The following HPSE2 variants were observed in gnomAD, a reference collection of about 807,000 sequenced individuals.
HPSE2 encodes the protein heparanase 2 (inactive), also known as inactive heparanase-2.
A neutral mutation model predicts 60.5 loss-of-function variants in HPSE2; 38 were observed. The ratio of observed to expected loss-of-function variants is 0.63; its 90% CI spans 0.48 to 0.82. HPSE2 has a LOEUF of 0.82. HPSE2 is among the 40% of genes least tolerant of loss of function. HPSE2 has a pLI of 0.00. For synonymous variants in HPSE2, 295 were observed against 293.2 expected, an observed-to-expected ratio of 1.01 and a Z score of -0.06; for missense variants, 713 against 740.4, an observed-to-expected ratio of 0.96 and a Z score of 0.43.
upstream of HPSE2, among the ~76,000 whole-genome samples, chr10:99,236,737 C>T (rs1849867000): frequency 1.3e-5 from 2 of 152,184 alleles, no homozygotes; most frequent in Non-Finnish European, 1.5e-5. Flanking sequence ...CTTCCCGCAA[C>T]CGAGGAATAA....
intron 2 of HPSE2, among the ~76,000 whole-genome samples, chr10:99,154,070 T>C (rs1357517886): frequency 1.3e-5 from 2 of 150,558 alleles, no homozygotes; most frequent in Admixed American, 6.6e-5. Context: ...TAAAAAGAAA[T>C]GAGCAAAGCC....
rs1162900511 is a variant in HPSE2 at position 98,989,741 on chromosome 10, C to A, written c.610+154497G>T. ...GAAGCAGTTTTGAATATTTCATGGC[C>A]TTTTTTGGATAGCTGATTGCCACAC... On this transcript the variant is annotated intron_variant, in intron 3 of 11. Coordinates refer to ENST00000370552, the MANE Select transcript of HPSE2 (RefSeq NM_021828.5). Among the ~76,000 whole-genome samples the A allele has an allele frequency of 2.0e-5, 3 of 152,010 alleles. No homozygotes were observed. The East Asian group carries it at 5.8e-4, about 29-fold the overall frequency.
intron 3 of HPSE2, among the ~76,000 whole-genome samples, chr10:99,060,658 CAAAAAAAAAAAAAA>C (rs35034456): frequency 1.0e-4 from 5 of 47,774 alleles, no homozygotes; most frequent in Non-Finnish European, 1.4e-4. Flanking sequence ...AACTCTGTCT[CAAAAAAAAAAAAAA>C]AAAAAAAAAA....
intron 3 of HPSE2, among the ~76,000 whole-genome samples, chr10:99,130,570 G>A (rs112675568): frequency 8.3e-4 from 126 of 152,238 alleles, no homozygotes; most frequent in Non-Finnish European, 1.6e-3. Flanking sequence ...GACGGCTAAC[G>A]CTCAAAATTC....
intron 3 of HPSE2, among the ~76,000 whole-genome samples, chr10:99,118,787 T>G (rs1844817829): frequency 6.6e-6 from 1 of 151,860 alleles, no homozygotes; most frequent in Non-Finnish European, 1.5e-5. Context: ...GAGGCTGAGG[T>G]GGTCAGACCA....
At chr10:98,625,825 G>A (rs1946192231) in intron 7 of HPSE2, among the ~76,000 whole-genome samples, 2 of 152,034 alleles carry the variant, frequency 1.3e-5, no homozygotes, top group Admixed American at 6.6e-5. Flanking sequence ...TGAATAGGCC[G>A]GGCGTGGTGG....
chr10:99,061,602 A>G (rs1203239449), intron 3 of HPSE2, among the ~76,000 whole-genome samples: 3 of 152,234 alleles, frequency 2.0e-5, no homozygotes, highest in African/African-American at 7.2e-5. Flanking sequence ...TAAAAACTCA[A>G]TAAATGTTAG....
Position 98,870,421 on chromosome 10 carries a change from A to AGGGAAAG in HPSE2, c.611-126366_611-126365insCTTTCCC, listed in dbSNP as rs1376983368. Reference sequence around the variant, plus strand: ...AGCAGGGTAAAGTAATGGGACAAGTACAGGGAAAGCAGGTAAAAATGTTGC... The same window carrying AGGGAAAG: ...AGCAGGGTAAAGTAATGGGACAAGTAGGGAAAGCAGGGAAAGCAGGTAAAAATGTTGC... On this transcript the variant is annotated intron_variant, in intron 3 of 11. Transcript: ENST00000370552. 2.0e-5 allele frequency among the ~76,000 whole-genome samples: 3 copies of AGGGAAAG among 152,166 alleles called. No individual in the cohort carries two copies. In the East Asian group the frequency reaches 5.8e-4, roughly 29 times the overall value.
chr10:98,500,371 A>G (rs767210888), intron 9 of HPSE2, among the ~76,000 whole-genome samples: 2 of 152,208 alleles, frequency 1.3e-5, no homozygotes, highest in Non-Finnish European at 2.9e-5. Context: ...TCCAAAAGGA[A>G]TCTTCAAAAC....
intron 3 of HPSE2, among the ~76,000 whole-genome samples, chr10:98,808,090 G>A (rs1951083653): frequency 6.6e-6 from 1 of 152,038 alleles, no homozygotes; most frequent in Non-Finnish European, 1.5e-5. Context: ...AAGCTCCTAT[G>A]GGTGACTTAC....
intron 4 of HPSE2, among the ~76,000 whole-genome samples, chr10:98,725,489 C>T (rs2134264598): frequency 6.6e-6 from 1 of 152,236 alleles, no homozygotes; most frequent in African/African-American, 2.4e-5. Context: ...AAAATTAATT[C>T]AAGATGGATT....
chr10:98,993,402 T>C (rs1374134475), intron 3 of HPSE2, among the ~76,000 whole-genome samples: 1 of 152,228 alleles, frequency 6.6e-6, no homozygotes, highest in Non-Finnish European at 1.5e-5. Flanking sequence ...CTCTTGGACA[T>C]CAACTTCAAA....
At chr10:98,942,461 C>G (rs1419542697) in intron 3 of HPSE2, among the ~76,000 whole-genome samples, 6 of 150,530 alleles carry the variant, frequency 4.0e-5, no homozygotes, top group Non-Finnish European at 8.8e-5. Flanking sequence ...ATTTATGCAG[C>G]CAAAAAACAC....
chr10:99,229,166 C>A (rs1313785775), intron 2 of HPSE2, among the ~76,000 whole-genome samples: 2 of 149,768 alleles, frequency 1.3e-5, no homozygotes, highest in Non-Finnish European at 3.0e-5. Context: ...AGAGGAGACT[C>A]CATATCGAAA....
intron 3 of HPSE2, among the ~76,000 whole-genome samples, chr10:99,061,382 A>G (rs1052972073): frequency 6.6e-6 from 1 of 152,202 alleles, no homozygotes; most frequent in African/African-American, 2.4e-5. Context: ...TTGCCTTTCA[A>G]TATCTGAATT....
the HPSE2 span, among the ~76,000 whole-genome samples, chr10:99,303,566 T>A: frequency 6.6e-6 from 1 of 152,222 alleles, no homozygotes; most frequent in Non-Finnish European, 1.5e-5. Context: ...TCAGGTGTTA[T>A]TGAGTACCCA....
chr10:98,558,326 C>G (rs1164184712), intron 9 of HPSE2, among the ~76,000 whole-genome samples: 1 of 152,144 alleles, frequency 6.6e-6, no homozygotes, highest in Admixed American at 6.5e-5. Context: ...ATGTTCCTAG[C>G]AGCACTGTGT....
At chr10:99,019,831 C>T (rs897747433) in intron 3 of HPSE2, among the ~76,000 whole-genome samples, 4 of 151,940 alleles carry the variant, frequency 2.6e-5, no homozygotes, top group South Asian at 4.2e-4. Context: ...CCCCCGTCAG[C>T]TTCCCTAGTA....
At chr10:99,112,403 C>CT (rs1181430021) in intron 3 of HPSE2, among the ~76,000 whole-genome samples, 1 of 141,112 alleles carries the variant, frequency 7.1e-6, no homozygotes, top group Admixed American at 7.3e-5. Flanking sequence ...CCATGCCCGG[C>CT]TTTTTTTTGT....
Sources: gnomAD v4.1 joint callset for allele counts (sites outside exome capture counted in the v4.1 genomes callset) on GRCh38, gnomAD v4.1.1 for gene constraint, MANE v1.5 for transcripts, NCBI Gene and HGNC (gene_info 2026-07-23, HGNC 2026-07-21) for gene names.